ITFG1: variants seen among roughly 807,000 people sequenced by gnomAD.
ITFG1 encodes integrin alpha FG-GAP repeat containing 1, also known as T-cell immunomodulatory protein.
A neutral mutation model predicts 81.8 loss-of-function variants in ITFG1; 34 were observed. The ratio of observed to expected loss-of-function variants is 0.42; its 90% confidence interval spans 0.32 to 0.55. The LOEUF is 0.55. Ranked by LOEUF, ITFG1 falls within the 20% of genes least tolerant of loss-of-function variation. The pLI, the probability that ITFG1 is intolerant of heterozygous loss-of-function variation, is 0.17. For synonymous variants in ITFG1, 285 were observed against 270.6 expected (o/e 1.05, Z -0.52); for missense variants, 672 against 755.4 (o/e 0.89, Z 1.29).
intron 13 of ITFG1, among the ~76,000 whole-genome samples, chr16:47,233,044 G>A (rs1272815682): frequency 6.6e-6 from 1 of 152,132 alleles, no homozygotes; most frequent in Non-Finnish European, 1.5e-5. Flanking sequence ...CAGATACACT[G>A]ATAAAAGCCA....
chr16:47,239,107 C>T (rs1301603299), intron 12 of ITFG1, among the ~76,000 whole-genome samples: 1 of 152,162 alleles, frequency 6.6e-6, no homozygotes, highest in Non-Finnish European at 1.5e-5. Context: ...TGAGACCTTA[C>T]CAGACACTGA....
chr16:47,262,713 T>C (rs530735711), intron 10 of ITFG1: 6 of 152,400 alleles, frequency 3.9e-5, no homozygotes, highest in Admixed American at 3.3e-4. Context: ...GACATGGAAC[T>C]GGTCAGCTAT....
In ITFG1 at chr16:47,154,470, C is replaced by T. The variant is rs1024289123; in HGVS notation, c.*1249G>A. The T allele has an allele frequency of 1.8e-4, 27 of 151,958 alleles. No individual in the cohort carries two copies. The highest frequency in any genetic ancestry group is 3.1e-4 in the Non-Finnish European group (21 of 67,994). 9.4% of individuals were successfully genotyped at this position (151,958 alleles called of 1,614,324 possible). On this transcript the variant is annotated 3_prime_UTR_variant, in exon 18 of 18. Transcript: ENST00000320640. Reference sequence around the variant, plus strand: ...AAAAACACATGCCAATCTCAGTGAACTATAAAGAAAAAAATAAGAACAAAA... The same window carrying T: ...AAAAACACATGCCAATCTCAGTGAATTATAAAGAAAAAAATAAGAACAAAA...
intron 10 of ITFG1, among the ~76,000 whole-genome samples, chr16:47,270,138 C>T (rs1484434950): frequency 6.6e-6 from 1 of 152,076 alleles, no homozygotes; most frequent in Non-Finnish European, 1.5e-5. Flanking sequence ...TAGGGCAAAA[C>T]ATTGTGTTAG....
intron 8 of ITFG1, among the ~76,000 whole-genome samples, chr16:47,324,477 C>T (rs1002246302): frequency 2.0e-5 from 3 of 152,166 alleles, no homozygotes; most frequent in African/African-American, 7.2e-5. Context: ...ATCAAATTCA[C>T]ACATAACAAT....
chr16:47,456,606 T>A (rs1969456416), intron 2 of ITFG1, among the ~76,000 whole-genome samples: 1 of 151,150 alleles, frequency 6.6e-6, no homozygotes, highest in Non-Finnish European at 1.5e-5. Context: ...GCAGGAGAAT[T>A]GCTAGAACCA....
intron 10 of ITFG1, among the ~76,000 whole-genome samples, chr16:47,297,221 G>C (rs1463834600): frequency 1.3e-5 from 2 of 152,014 alleles, no homozygotes; most frequent in African/African-American, 4.8e-5. Context: ...TGTTCTATCT[G>C]ATATGAATAT....
At chr16:47,218,835 T>C in intron 14 of ITFG1, 33 bp downstream of exon 14, 1 of 1,363,840 alleles carries the variant, frequency 7.3e-7, no homozygotes, top group Non-Finnish European at 1.0e-6. Flanking sequence ...TGAAGAAGCT[T>C]TTATACATTA....
intron 8 of ITFG1, among the ~76,000 whole-genome samples, chr16:47,348,637 C>A (rs1296436310): frequency 6.6e-6 from 1 of 152,222 alleles, no homozygotes; most frequent in African/African-American, 2.4e-5. Flanking sequence ...AAACACTCTA[C>A]AGGATATTAT....
rs964900479 is a variant in ITFG1 at position 47,422,924 on chromosome 16, T to C, written c.655+5880A>G. Among the ~76,000 whole-genome samples, 20 of 152,240 alleles carry C rather than the reference T, an allele frequency of 1.3e-4. No individual in the cohort carries two copies. The East Asian group carries it at 1.5e-3, about 12-fold the overall frequency. ...TGTTGATTTGGGGTGGACAGTTCTGTAGATGTCTATTAGGTCCGCTTGGTC... is the reference window on the plus strand; with the variant it reads ...TGTTGATTTGGGGTGGACAGTTCTGCAGATGTCTATTAGGTCCGCTTGGTC... On this transcript the variant is annotated intron_variant, in intron 6 of 17. Transcript: ENST00000320640.
intron 14 of ITFG1, among the ~76,000 whole-genome samples, chr16:47,174,012 C>T (rs1345581941): frequency 1.2e-4 from 19 of 152,118 alleles, no homozygotes; most frequent in Non-Finnish European, 1.6e-4. Context: ...TGCATTCCAG[C>T]CTGGACAACA....
chr16:47,398,775 G>A (rs1465118812), intron 6 of ITFG1, among the ~76,000 whole-genome samples: 3 of 152,186 alleles, frequency 2.0e-5, no homozygotes, highest in Non-Finnish European at 4.4e-5. Context: ...TCCTTCTCTA[G>A]TGTACCAAAT....
chr16:47,381,961 G>C (rs1318399268), intron 6 of ITFG1, among the ~76,000 whole-genome samples: 2 of 152,328 alleles, frequency 1.3e-5, no homozygotes, highest in East Asian at 3.9e-4. Flanking sequence ...AACTGAAAAA[G>C]CATCTCAGGA....
intron 7 of ITFG1, among the ~76,000 whole-genome samples, chr16:47,368,908 C>G (rs1275850065): frequency 1.3e-5 from 2 of 152,230 alleles, no homozygotes; most frequent in East Asian, 3.9e-4. Context: ...AGAATACGTT[C>G]TGGCCATAGT....
chr16:47,234,993 T>A (rs1007315037), intron 13 of ITFG1, among the ~76,000 whole-genome samples: 1 of 152,202 alleles, frequency 6.6e-6, no homozygotes, highest in Admixed American at 6.5e-5. Context: ...TCCACCATGA[T>A]TGTAAGTTTC....
chr16:47,251,215 A>G (rs1442725743), intron 12 of ITFG1, among the ~76,000 whole-genome samples: 1 of 152,198 alleles, frequency 6.6e-6, no homozygotes, highest in Non-Finnish European at 1.5e-5. Flanking sequence ...CACAGGAGTA[A>G]GTCAGGGCTC....
At chr16:47,260,211 A>G (rs568287816) in intron 11 of ITFG1, among the ~76,000 whole-genome samples, 1 of 152,248 alleles carries the variant, frequency 6.6e-6, no homozygotes, top group East Asian at 1.9e-4. Context: ...TGCTGGGATT[A>G]CAGGTGTGAG....
intron 13 of ITFG1, among the ~76,000 whole-genome samples, chr16:47,225,852 TAA>T (rs1227965364): frequency 6.6e-6 from 1 of 151,470 alleles, no homozygotes; most frequent in African/African-American, 2.4e-5. Context: ...CACAAATAAA[TAA>T]AGAGTACTGT....
At chr16:47,319,138 T>C (rs1596890289) in intron 8 of ITFG1, among the ~76,000 whole-genome samples, 1 of 152,330 alleles carries the variant, frequency 6.6e-6, no homozygotes, top group African/African-American at 2.4e-5. Context: ...TTGAAAAATA[T>C]TGGTTATGTG....
Sources: allele counts gnomAD v4.1 joint callset (sites outside exome capture counted in the v4.1 genomes callset), GRCh38; gene constraint gnomAD v4.1.1; transcripts MANE v1.5; gene names NCBI Gene and HGNC (gene_info 2026-07-23, HGNC 2026-07-21).